Variants in ZBBX observed in about 807,000 individuals in gnomAD.
ZBBX encodes zinc finger B-box domain-containing protein 1.
Under a neutral mutation model 108.5 loss-of-function variants are expected in ZBBX, and 101 were observed. That is an observed-to-expected ratio of 0.93 (90% CI 0.79 to 1.10). The LOEUF (loss-of-function observed/expected upper bound fraction) is 1.10. Ranked by LOEUF, ZBBX falls within the 50% of genes least tolerant of loss-of-function variation. The probability of loss-of-function intolerance (pLI) is 0.00; values close to 1 mark genes in which losing one functional copy is unlikely to be tolerated. For synonymous variants in ZBBX, 356 were observed against 323.4 expected, an observed-to-expected ratio of 1.10 and a Z score of -1.08; for missense variants, 1,009 against 941.4, an observed-to-expected ratio of 1.07 and a Z score of -0.94.
the ZBBX span, among the ~76,000 whole-genome samples, chr3:167,187,466 C>T: frequency 1.3e-5 from 2 of 152,130 alleles, no homozygotes; most frequent in African/African-American, 4.8e-5. Context: ...TGGAATAATC[C>T]TGGCAAGTAG....
At chr3:167,286,223 T>G (rs892274807) in intron 19 of ZBBX, among the ~76,000 whole-genome samples, 2 of 151,680 alleles carry the variant, frequency 1.3e-5, no homozygotes, top group Non-Finnish European at 2.9e-5. Flanking sequence ...AGTAAGAGAG[T>G]GGCTTAAGAA....
At chr3:167,292,671 G>C (rs1359850333) in intron 18 of ZBBX, among the ~76,000 whole-genome samples, 1 of 152,104 alleles carries the variant, frequency 6.6e-6, no homozygotes, top group Non-Finnish European at 1.5e-5. Flanking sequence ...AAATGCAAAA[G>C]CTAGCAGAAG....
At chr3:167,208,802 C>T in the ZBBX span, among the ~76,000 whole-genome samples, 2 of 152,126 alleles carry the variant, frequency 1.3e-5, no homozygotes, top group Non-Finnish European at 2.9e-5. Flanking sequence ...GTAAATGGGA[C>T]TTTGTCTTGT....
upstream of ZBBX, among the ~76,000 whole-genome samples, chr3:167,381,046 A>G (rs1404636678): frequency 1.3e-5 from 2 of 152,086 alleles, no homozygotes; most frequent in African/African-American, 4.8e-5. Context: ...ACTGCACTGT[A>G]TAGGCTTCTA....
intron 2 of ZBBX, among the ~76,000 whole-genome samples, chr3:167,378,244 G>C (rs1009489356): frequency 2.0e-5 from 3 of 152,140 alleles, no homozygotes; most frequent in African/African-American, 7.2e-5. Flanking sequence ...ATATCTGATA[G>C]TAAAATACTG....
intron 20 of ZBBX, among the ~76,000 whole-genome samples, chr3:167,260,172 T>C (rs1449450440): frequency 2.0e-5 from 3 of 152,188 alleles, no homozygotes; most frequent in Non-Finnish European, 4.4e-5. Context: ...CAATCCCTTC[T>C]AGCTTATAGG....
At chr3:167,362,306 G>A (rs1744652350) in intron 6 of ZBBX, among the ~76,000 whole-genome samples, 1 of 152,066 alleles carries the variant, frequency 6.6e-6, no homozygotes, top group African/African-American at 2.4e-5. Flanking sequence ...AGTAGGTATT[G>A]AAGGGGTGCT....
the ZBBX span, among the ~76,000 whole-genome samples, chr3:167,222,462 C>CA: frequency 8.8e-5 from 13 of 147,364 alleles, no homozygotes; most frequent in South Asian, 2.4e-3. Context: ...TTAATGTGGA[C>CA]AAAAAAAATA....
At chr3:167,292,249 T>C (rs904285149) in intron 18 of ZBBX, among the ~76,000 whole-genome samples, 2 of 152,186 alleles carry the variant, frequency 1.3e-5, no homozygotes, top group Non-Finnish European at 2.9e-5. Context: ...CAACAGGATA[T>C]ACATTCTTCC....
At chr3:167,359,779 A>G in intron 8 of ZBBX, 91 bp downstream of exon 8, 3 of 513,050 alleles carry the variant, frequency 5.8e-6, no homozygotes, top group Non-Finnish European at 9.5e-6. Context: ...TTAAGTTGGG[A>G]GAGGTGTATG....
In ZBBX at chr3:167,327,048, CTT is replaced by C. The variant is rs201139842; in HGVS notation, c.862+892_862+893del. On this transcript the variant is annotated intron_variant, in intron 11 of 21. Transcript: ENST00000675490. ...ATTAATAAATTGAATACTTTTAAAA[CTT>C]ATGGTTTTCCTCAAGACATACTGGG... 1.1e-4 allele frequency among the ~76,000 whole-genome samples: 16 copies of C among 151,244 alleles called. No homozygotes were observed. In the East Asian group the frequency reaches 3.1e-3, roughly 29 times the overall value.
rs1414217262 is a variant in ZBBX at position 167,330,884 on chromosome 3, A to AGAAGAAGAAGAAGAAGAAGAG, written c.688-2769_688-2768insCTCTTCTTCTTCTTCTTCTTC. Among the ~76,000 whole-genome samples, 2 of 133,284 alleles carry AGAAGAAGAAGAAGAAGAAGAG rather than the reference A, an allele frequency of 1.5e-5. 1 individual carries two copies. Among genetic ancestry groups the AGAAGAAGAAGAAGAAGAAGAG allele is most frequent in the Non-Finnish European group, 3.3e-5 (2 of 61,046 alleles). The allele number at this position is 133,284 out of a possible 152,430, so 87.4% of individuals were successfully genotyped here. A position where few individuals can be genotyped will look rare whatever the true frequency, so the allele number is the denominator to read the frequency against. On this transcript the variant is annotated intron_variant, in intron 10 of 21. Coordinates refer to ENST00000675490, the MANE Select transcript of ZBBX (RefSeq NM_001199201.2). ...GAGGAGGAGGAGGAGAAGAAGAAGA[A>AGAAGAAGAAGAAGAAGAAGAG]GAAGAAGAAGAAGAAGAAGAAGAAG...
chr3:167,318,636 A>G (rs1735871632), intron 12 of ZBBX, among the ~76,000 whole-genome samples: 1 of 152,008 alleles, frequency 6.6e-6, no homozygotes, highest in Non-Finnish European at 1.5e-5. Context: ...TTTATATGCC[A>G]ATTGTTAATT....
At position 167,385,670 on chromosome 3, in the gene ZBBX, C is replaced by A. The variant is rs184612729; in HGVS notation, c.-445-5265G>T. Among the ~76,000 whole-genome samples, 12 of 151,444 alleles carry A rather than the reference C, an allele frequency of 7.9e-5. No individual in the cohort carries two copies. The East Asian group carries it at 2.3e-3, about 29-fold the overall frequency. ...TCTATAAGCCTTTTTCTATTTATTC[C>A]TTCTAATTTTAAAACTGTTTTTGTT... is the stretch of plus-strand genomic sequence containing the variant. On this transcript the variant is annotated intron_variant, in intron 1 of 21. Coordinates refer to the ZBBX transcript ENST00000455345.
Position 167,287,483 on chromosome 3 carries a change from T to C in ZBBX, c.1996+1384A>G, listed in dbSNP as rs530068003. Reference sequence around the variant, plus strand: ...CACAGCGACTTTTGAGAAAATTTTATACTGGACTCTAAGCTCTTAAGCAAT... The same window carrying C: ...CACAGCGACTTTTGAGAAAATTTTACACTGGACTCTAAGCTCTTAAGCAAT... On this transcript the variant is annotated intron_variant, in intron 19 of 21. Transcript: ENST00000675490. Among the ~76,000 whole-genome samples the C allele has an allele frequency of 2.6e-5, 4 of 152,272 alleles. No individual in the cohort carries two copies. The East Asian group carries it at 7.7e-4, about 29-fold the overall frequency.
the ZBBX span, among the ~76,000 whole-genome samples, chr3:167,220,717 A>C: frequency 6.6e-6 from 1 of 152,118 alleles, no homozygotes; most frequent in South Asian, 2.1e-4. Context: ...TAGTACTAGA[A>C]GTCCTAGCTA....
At position 167,339,076 on chromosome 3, in the gene ZBBX, G is replaced by A. The variant is rs116638514; in HGVS notation, c.529-5091C>T. Among the ~76,000 whole-genome samples the A allele has an allele frequency of 6.4e-3, 966 of 152,036 alleles. 6 individuals are homozygous for A. The highest frequency in any genetic ancestry group is 0.022 in the African/African-American group (924 of 41,446). On this transcript the variant is annotated intron_variant, in intron 9 of 21. Coordinates refer to ENST00000675490, the MANE Select transcript of ZBBX (RefSeq NM_001199201.2). The stretch of plus-strand genomic sequence containing the variant: ...GATGTGAATTACCTCATATGCAGTC[G>A]GTAAATAGGGCAATGATGTCTGTAT...
At chr3:167,185,689 C>T in the ZBBX span, among the ~76,000 whole-genome samples, 1 of 152,028 alleles carries the variant, frequency 6.6e-6, no homozygotes, top group Admixed American at 6.5e-5. Context: ...ACAACCTTGC[C>T]ATTCCAGAAT....
intron 1 of ZBBX, among the ~76,000 whole-genome samples, chr3:167,393,017 C>T (rs969001504): frequency 3.3e-5 from 5 of 151,740 alleles, no homozygotes; most frequent in African/African-American, 9.7e-5. Context: ...TCCAATGATG[C>T]AATGATTTCA....
Sources: gnomAD v4.1 joint callset for allele counts (sites outside exome capture counted in the v4.1 genomes callset) on GRCh38, gnomAD v4.1.1 for gene constraint, MANE v1.5 for transcripts, NCBI Gene and HGNC (gene_info 2026-07-23, HGNC 2026-07-21) for gene names.